TNS3: variants seen among roughly 807,000 people sequenced by gnomAD.
TNS3 encodes the protein tensin 3, also known as tensin-3.
TNS3 carries 45 observed loss-of-function variants against 140.9 expected under a neutral mutation model. The observed-to-expected ratio is 0.32, with a 90% CI of 0.25 to 0.41. The LOEUF (loss-of-function observed/expected upper bound fraction) is 0.41. Ranked by LOEUF, TNS3 falls within the 10% of genes least tolerant of loss-of-function variation. The probability of loss-of-function intolerance (pLI) is 1.00; values close to 1 mark genes in which losing one functional copy is unlikely to be tolerated. For missense variants in TNS3, 1,716 were observed against 1,906.7 expected, an observed-to-expected ratio of 0.90 and a Z score of 1.86; for synonymous variants, 815 against 788.4, an observed-to-expected ratio of 1.03 and a Z score of -0.56.
intron 9 of TNS3, among the ~76,000 whole-genome samples, chr7:47,425,992 T>G (rs1201679374): frequency 6.6e-6 from 1 of 151,742 alleles, no homozygotes; most frequent in African/African-American, 2.4e-5. Context: ...AGCTTTGCAG[T>G]AGAAAACAAC....
chr7:47,495,818 G>T (rs1797985789), intron 3 of TNS3, among the ~76,000 whole-genome samples: 2 of 152,226 alleles, frequency 1.3e-5, no homozygotes, highest in African/African-American at 4.8e-5. Context: ...TCTAAACATT[G>T]AAAGAGAACA....
chr7:47,282,789 G>T (rs997391553), intron 28 of TNS3, among the ~76,000 whole-genome samples: 1 of 152,188 alleles, frequency 6.6e-6, no homozygotes, highest in Admixed American at 6.5e-5. Context: ...GATGAAGGGT[G>T]ATGAGCTAAA....
chr7:47,570,399 T>C (rs1401481763), intron 1 of TNS3, among the ~76,000 whole-genome samples: 2 of 152,230 alleles, frequency 1.3e-5, no homozygotes, highest in African/African-American at 4.8e-5. Flanking sequence ...CTGGGGACAT[T>C]TGTCATCAAC....
At chr7:47,289,264 G>A (rs1785575663) in intron 27 of TNS3, among the ~76,000 whole-genome samples, 1 of 152,144 alleles carries the variant, frequency 6.6e-6, no homozygotes, top group Non-Finnish European at 1.5e-5. Flanking sequence ...CAGAATGGAG[G>A]TATTTCTAGT....
intron 16 of TNS3, among the ~76,000 whole-genome samples, chr7:47,389,017 A>G (rs1423991591): frequency 0.02 from 45 of 2,212 alleles, 10 homozygotes; most frequent in Non-Finnish European, 0.069. Flanking sequence ...AAGAAGAAGA[A>G]GAAGAAGAAG....
chr7:47,396,747 G>T, intron 16 of TNS3, 53 bp downstream of exon 16: 1 of 1,430,908 alleles, frequency 7.0e-7, no homozygotes, highest in Non-Finnish European at 9.9e-7. Context: ...TGAGTGGGCT[G>T]TCTTCCCTGT....
intron 28 of TNS3, among the ~76,000 whole-genome samples, chr7:47,281,967 C>T (rs1785168381): frequency 6.8e-6 from 1 of 147,052 alleles, no homozygotes; most frequent in African/African-American, 2.5e-5. Context: ...GCAGTCTAGC[C>T]ATACTCCTGA....
intron 20 of TNS3, among the ~76,000 whole-genome samples, chr7:47,325,365 C>G (rs1787970614): frequency 6.6e-6 from 1 of 152,060 alleles, no homozygotes; most frequent in African/African-American, 2.4e-5. Context: ...CTTGGGTGAC[C>G]CGGTACCCAC....
intron 4 of TNS3, among the ~76,000 whole-genome samples, chr7:47,445,938 A>G (rs567152094): frequency 3.9e-5 from 6 of 152,316 alleles, no homozygotes; most frequent in African/African-American, 1.4e-4. Context: ...GTGCACCATA[A>G]TGCATTTCAT....
chr7:47,306,578 AT>A (rs60884592), intron 20 of TNS3, among the ~76,000 whole-genome samples: 121 of 147,692 alleles, frequency 8.2e-4, no homozygotes, highest in Non-Finnish European at 8.6e-4. Context: ...ACCTTAGAGA[AT>A]TTTTTTTTTT....
chr7:47,478,218 C>T (rs912197308), intron 4 of TNS3, among the ~76,000 whole-genome samples: 1 of 152,162 alleles, frequency 6.6e-6, no homozygotes, highest in Non-Finnish European at 1.5e-5. Context: ...TTTGTTAAAG[C>T]ACCGATCGCA....
intron 20 of TNS3, among the ~76,000 whole-genome samples, chr7:47,341,794 G>C (rs1789032794): frequency 6.6e-6 from 1 of 151,716 alleles, no homozygotes; most frequent in Middle Eastern, 3.2e-3. Flanking sequence ...CTAGGTTATG[G>C]AGGTAAGAGC....
intron 4 of TNS3, among the ~76,000 whole-genome samples, chr7:47,463,291 A>G (rs536594495): frequency 6.6e-6 from 1 of 152,282 alleles, no homozygotes; most frequent in South Asian, 2.1e-4. Context: ...CTAAAAATGT[A>G]CAAATTGTCG....
chr7:47,428,572 C>G (rs1036978732), intron 8 of TNS3, among the ~76,000 whole-genome samples, 196 bp from the exon 9 acceptor site: 2 of 152,194 alleles, frequency 1.3e-5, no homozygotes, highest in Admixed American at 6.5e-5. Flanking sequence ...GGAACCCGCA[C>G]GCTGGGTGCA....
intron 27 of TNS3, among the ~76,000 whole-genome samples, chr7:47,288,704 G>A (rs964174143): frequency 6.6e-6 from 1 of 152,192 alleles, no homozygotes; most frequent in African/African-American, 2.4e-5. Flanking sequence ...GACCAGCCCA[G>A]GTCCCTCACA....
chr7:47,531,916 C>T (rs1799419228), intron 1 of TNS3, among the ~76,000 whole-genome samples: 1 of 152,218 alleles, frequency 6.6e-6, no homozygotes, highest in Non-Finnish European at 1.5e-5. Flanking sequence ...AGCCACCATC[C>T]ACGGCTGCAG....
Position 47,372,099 on chromosome 7 carries a change from G to A in TNS3, c.1025-2478C>T, listed in dbSNP as rs534565978. ...GTAAATCCTTCCTGCTGTTTTCAGC[G>A]TGTGAGAAGGAGGTGCTGATAAACG... On this transcript the variant is annotated intron_variant, in intron 16 of 30. Coordinates refer to ENST00000311160, the MANE Select transcript of TNS3 (RefSeq NM_022748.12). Among the ~76,000 whole-genome samples the A allele has an allele frequency of 2.5e-4, 38 of 152,250 alleles. 1 individual carries two copies. In the Middle Eastern group the frequency reaches 0.017, roughly 68 times the overall value.
At chr7:47,533,200 T>C (rs1408664070) in intron 1 of TNS3, among the ~76,000 whole-genome samples, 1 of 141,896 alleles carries the variant, frequency 7.0e-6, no homozygotes, top group Non-Finnish European at 1.5e-5. Context: ...TGGCGCAATC[T>C]TGGCTCACTG....
At chr7:47,309,280 A>G (rs4720593) in intron 20 of TNS3, among the ~76,000 whole-genome samples, 44,408 of 152,064 alleles carry the variant, frequency 0.29, 6,883 homozygotes, top group South Asian at 0.34. Flanking sequence ...TTCATATTTA[A>G]AGACGAACAA....
Sources: allele counts gnomAD v4.1 joint callset (sites outside exome capture counted in the v4.1 genomes callset), GRCh38; gene constraint gnomAD v4.1.1; transcripts MANE v1.5; gene names NCBI Gene and HGNC (gene_info 2026-07-23, HGNC 2026-07-21).